Variants in ADH1B observed in about 807,000 individuals in gnomAD.
The protein encoded by ADH1B is alcohol dehydrogenase 1B (class I), beta polypeptide, also known as all-trans-retinol dehydrogenase [NAD(+)] ADH1B.
Under a neutral mutation model 34.6 loss-of-function variants are expected in ADH1B, and 29 were observed. The ratio of observed to expected loss-of-function variants is 0.84; its 90% CI spans 0.62 to 1.14. The LOEUF (loss-of-function observed/expected upper bound fraction) is 1.14, where lower values mean the gene tolerates loss of function less well. Among genes scored for constraint, ADH1B ranks in the 50% most tolerant of loss-of-function variants. The pLI is 0.00. For synonymous variants in ADH1B, 170 were observed against 175.5 expected (o/e 0.97, Z 0.25); for missense variants, 424 against 468.4 (o/e 0.91, Z 0.87).
In ADH1B at chr4:99,305,128, T is replaced by TA. The variant is rs1733568514; in HGVS notation, c.*2711_*2712insT. 2 of 151,840 alleles carry TA rather than the reference T, an allele frequency of 1.3e-5. No individual in the cohort carries two copies. Among genetic ancestry groups the TA allele is most frequent in the Non-Finnish European group, 2.9e-5 (2 of 68,016 alleles). 9.4% of individuals were successfully genotyped at this position (151,840 alleles called of 1,614,324 possible). A position where few individuals can be genotyped will look rare whatever the true frequency, so the allele number is the denominator to read the frequency against. On this transcript the variant is annotated 3_prime_UTR_variant, in exon 9 of 9. Coordinates refer to ENST00000305046, the MANE Select transcript of ADH1B (RefSeq NM_000668.6). Reference sequence around the variant, plus strand: ...TTTTTAAATGAAAAAGCACCAGGATTTTAGAAATATCTTTTTTTTTGGTCA... The same window carrying TA: ...TTTTTAAATGAAAAAGCACCAGGATTATTAGAAATATCTTTTTTTTTGGTCA...
At chr4:99,321,287 A>C (rs1241911203) in intron 1 of ADH1B, 27 bp downstream of exon 1, 3 of 1,592,646 alleles carry the variant, frequency 1.9e-6, no homozygotes. Context: ...AGAATATATT[A>C]CCAACAGTAA....
chr4:99,318,409 A>G, intron 2 of ADH1B: 1 of 593,908 alleles, frequency 1.7e-6, no homozygotes, highest in Non-Finnish European at 2.8e-6. Flanking sequence ...TAATCTGTGA[A>G]ATAATTGATT....
chr4:99,315,757 A>T, intron 5 of ADH1B, 141 bp downstream of exon 5: 11 of 814,856 alleles, frequency 1.3e-5, no homozygotes, highest in East Asian at 3.0e-5. Context: ...TGTGTACTCA[A>T]TTCTTTCTGG....
intron 8 of ADH1B, chr4:99,310,323 A>G (rs752598541): frequency 2.4e-5 from 11 of 455,236 alleles, no homozygotes; most frequent in African/African-American, 4.0e-5. Flanking sequence ...ATGTAGTTCC[A>G]CCTACTCCTG....
rs1355994323 is a variant in ADH1B, at chr4:99,305,277, AAT to A, written c.*2561_*2562del. The A allele has an allele frequency of 6.8e-5, 10 of 148,074 alleles. No individual in the cohort carries two copies. The highest frequency in any genetic ancestry group is 1.3e-4 in the Non-Finnish European group (9 of 67,028). 9.2% of individuals were successfully genotyped at this position (148,074 alleles called of 1,614,324 possible). A position where few individuals can be genotyped will look rare whatever the true frequency, so the allele number is the denominator to read the frequency against. ...TCTCCATGCTCAGAATTTCATTTTA[AAT>A]ATGTTCGTGATATTATTGAAGTCAC... On this transcript the variant is annotated 3_prime_UTR_variant, in exon 9 of 9. Coordinates refer to ENST00000305046, the MANE Select transcript of ADH1B (RefSeq NM_000668.6).
chr4:99,310,623 A>C (rs747619691), intron 8 of ADH1B, 142 bp downstream of exon 8: 1 of 1,174,538 alleles, frequency 8.5e-7, no homozygotes, highest in Admixed American at 2.9e-5. Flanking sequence ...ATGATCCTAC[A>C]TACGCTCCAT....
At position 99,305,044 on chromosome 4, in the gene ADH1B, A is replaced by AT. The variant is rs964259975; in HGVS notation, c.*2795dup. On this transcript the variant is annotated 3_prime_UTR_variant, in exon 9 of 9. Coordinates refer to ENST00000305046, the MANE Select transcript of ADH1B (RefSeq NM_000668.6). ...GTGCCATTTAATATGCTATTTTGCC[A>AT]TTTTAGTTTCCTCTTCCACGAATTT... is the stretch of plus-strand genomic sequence containing the variant. 2.6e-5 allele frequency: 4 copies of AT among 151,438 alleles called. No individual in the cohort carries two copies. Among genetic ancestry groups the AT allele is most frequent in the South Asian group, 2.1e-4 (1 of 4,790 alleles). The allele number at this position is 151,438 out of a possible 1,614,324, so 9.4% of individuals were successfully genotyped here.
intron 6 of ADH1B, chr4:99,313,377 C>T: frequency 5.7e-6 from 1 of 176,214 alleles, no homozygotes; most frequent in Non-Finnish European, 1.2e-5. Context: ...CCTAAAATTG[C>T]TCATTTCCTT....
rs142543822 is a variant in ADH1B at position 99,311,547 on chromosome 4, C to G, written c.938G>C (p.Arg313Pro). The change falls in exon 7 of 9, where the codon CGC becomes CCC. Residue 313 changes from arginine to proline, a missense_variant. Physicochemically the swap from Arg to Pro is moderately radical, Grantham distance 103. This residue lies in a region of ADH1B where 130 missense variants were observed against 151.8 expected (regional missense o/e 0.86). Coordinates refer to ENST00000305046, the MANE Select transcript of ADH1B (RefSeq NM_000668.6). ...ACCATAAACAGCCCCCTTCCAGGTGCGTCCAGTCAGTAGCAGCATAGGGTT... is the reference window on the plus strand; with the variant it reads ...ACCATAAACAGCCCCCTTCCAGGTGGGTCCAGTCAGTAGCAGCATAGGGTT... Reference protein sequence around the residue: ...SINPMLLLTGRTWKGAVYGGF... With the variant: ...SINPMLLLTGPTWKGAVYGGF... The G allele has an allele frequency of 1.9e-6, 3 of 1,613,818 alleles. No individual in the cohort carries two copies. Among genetic ancestry groups the G allele is most frequent in the Non-Finnish European group, 2.5e-6 (3 of 1,179,890 alleles).
rs1435988179 is a variant in ADH1B, at chr4:99,318,785, C to T, written c.120G>A (p.Lys40=). ...APPKAYEVRI[K]MVAVGICHTD... Reference sequence around the variant, plus strand: ...AAATATAAATGGAAAAATATTTCACCTTAATGCGAACTTCATAAGCCTTAG... The same window carrying T: ...AAATATAAATGGAAAAATATTTCACTTTAATGCGAACTTCATAAGCCTTAG... The change falls in exon 2 of 9, where the codon AAG becomes AAA. Residue 40 remains lysine (K), a splice_region_variant and synonymous_variant. Transcript: ENST00000305046. 1 of 1,606,678 alleles carries T rather than the reference C, an allele frequency of 6.2e-7. No homozygotes were observed. Among genetic ancestry groups the T allele is most frequent in the South Asian group, 1.1e-5 (1 of 89,382 alleles).
intron 3 of ADH1B, chr4:99,317,152 G>T (rs1356500124): frequency 6.6e-6 from 1 of 152,080 alleles, no homozygotes; most frequent in Non-Finnish European, 1.5e-5. Flanking sequence ...TGGTAAGGGG[G>T]CAGGGTGAAT....
chr4:99,314,921 G>A (rs1353283791), intron 5 of ADH1B: 1 of 152,140 alleles, frequency 6.6e-6, no homozygotes, highest in Non-Finnish European at 1.5e-5. Flanking sequence ...TCTTCATTGT[G>A]GGTAACATGC....
intron 1 of ADH1B, chr4:99,320,813 G>T: frequency 8.3e-7 from 1 of 1,204,904 alleles, no homozygotes. Context: ...CTAATGCTGT[G>T]AAATCAATGA....
At chr4:99,316,334 TTTCTATGCAG>T in intron 3 of ADH1B, 32 bp from the exon 4 acceptor site, 3 of 1,581,046 alleles carry the variant, frequency 1.9e-6, no homozygotes, top group Non-Finnish European at 2.6e-6. Context: ...TCTTCTTAAA[TTTCTATGCAG>T]TAATTAATAG....
intron 8 of ADH1B, among the ~76,000 whole-genome samples, chr4:99,309,992 G>GT (rs1339104057): frequency 1.3e-5 from 2 of 152,156 alleles, no homozygotes; most frequent in African/African-American, 4.8e-5. Flanking sequence ...CCTCATGAAA[G>GT]TAAGTGTGGG....
intron 8 of ADH1B, 57 bp downstream of exon 8, chr4:99,310,708 T>C: frequency 2.5e-6 from 4 of 1,572,908 alleles, no homozygotes; most frequent in Non-Finnish European, 3.4e-6. Flanking sequence ...CATTCTCTGC[T>C]AGACAATCCC....
At chr4:99,313,665 A>G in intron 6 of ADH1B, 156 bp downstream of exon 6, 2 of 1,381,832 alleles carry the variant, frequency 1.4e-6, no homozygotes, top group East Asian at 2.3e-5. Context: ...AAGATTTCTC[A>G]TAACAAAAAT....
At chr4:99,314,278 T>G in intron 5 of ADH1B, 197 bp from the exon 6 acceptor site, 1 of 846,822 alleles carries the variant, frequency 1.2e-6, no homozygotes, top group Admixed American at 2.9e-5. Context: ...GTTTTCAAAC[T>G]GATGCATATT....
rs534570051 is a variant in ADH1B at position 99,306,313 on chromosome 4, G to C, written c.*1527C>G. On this transcript the variant is annotated 3_prime_UTR_variant, in exon 9 of 9. Coordinates refer to ENST00000305046, the MANE Select transcript of ADH1B (RefSeq NM_000668.6). ...AAGCCACTGCGCCACCCCCCACCCC[G>C]CTTTAGCATTTTTGACAAAACAATC... The C allele has an allele frequency of 6.7e-6, 1 of 150,130 alleles. No homozygotes were observed. The highest frequency in any genetic ancestry group is 2.1e-4 in the South Asian group (1 of 4,682). 9.3% of individuals were successfully genotyped at this position (150,130 alleles called of 1,614,324 possible).
Sources: allele counts gnomAD v4.1 joint callset (sites outside exome capture counted in the v4.1 genomes callset), GRCh38; gene constraint gnomAD v4.1.1; regional missense constraint gnomAD v4.1.1; transcripts MANE v1.5; gene names NCBI Gene and HGNC (gene_info 2026-07-23, HGNC 2026-07-21).